The following PTPN14 variants were observed in gnomAD, a reference collection of about 807,000 sequenced individuals.
The protein encoded by PTPN14 is tyrosine-protein phosphatase non-receptor type 14.
PTPN14 carries 53 observed loss-of-function variants against 126.8 expected under a neutral mutation model. That is an observed-to-expected ratio of 0.42 (90% CI 0.34 to 0.53). The LOEUF (loss-of-function observed/expected upper bound fraction) is 0.53, where lower values mean the gene tolerates loss of function less well. PTPN14 is among the 20% of genes least tolerant of loss of function. PTPN14 has a pLI of 0.08. For synonymous variants in PTPN14, 630 were observed against 599.3 expected, an observed-to-expected ratio of 1.05 and a Z score of -0.75; for missense variants, 1,257 against 1,552.9, an observed-to-expected ratio of 0.81 and a Z score of 3.20.
intron 1 of PTPN14, among the ~76,000 whole-genome samples, chr1:214,549,692 AAAG>A (rs963951948): frequency 4.6e-5 from 7 of 152,192 alleles, no homozygotes; most frequent in African/African-American, 1.2e-4. Context: ...GGGGGACAAA[AAAG>A]AAGAATCAAT....
chr1:214,378,028 G>A lies in PTPN14; in HGVS notation c.2619C>T (p.Leu873=). 6.2e-7 allele frequency: 1 copy of A among 1,613,022 alleles called. No individual in the cohort carries two copies. The highest frequency in any genetic ancestry group is 8.5e-7 in the Non-Finnish European group (1 of 1,179,998). ...RPLMLAALNG[L]SVARVSGREE... The stretch of plus-strand genomic sequence containing the variant: ...CCCGCCCTGAGACTCGAGCCACCGA[G>A]AGCCCATTCAATGCTGCCAACATCA... The change falls in exon 14 of 19, where the codon CTC becomes CTT. Residue 873 remains leucine (L), a synonymous_variant. Coordinates refer to ENST00000366956, the MANE Select transcript of PTPN14 (RefSeq NM_005401.5).
chr1:214,443,025 A>T (rs976150577), intron 3 of PTPN14, among the ~76,000 whole-genome samples: 4 of 151,962 alleles, frequency 2.6e-5, no homozygotes, highest in African/African-American at 4.8e-5. Context: ...GTTTCTCCAC[A>T]TTGGTCAGAC....
intron 3 of PTPN14, among the ~76,000 whole-genome samples, chr1:214,421,492 C>T (rs1352735673): frequency 6.6e-6 from 1 of 151,860 alleles, no homozygotes; most frequent in African/African-American, 2.4e-5. Flanking sequence ...GAATTGTATA[C>T]TTTAAAGTGG....
rs188501921 is a variant in PTPN14, at chr1:214,497,700, T to G, written c.-154-32743A>C. Among the ~76,000 whole-genome samples the G allele has an allele frequency of 1.9e-3, 282 of 152,276 alleles. 1 individual carries two copies. The highest frequency in any genetic ancestry group is 3.0e-3 in the Non-Finnish European group (205 of 68,016). On this transcript the variant is annotated intron_variant, in intron 1 of 18. Transcript: ENST00000366956. ...AGGCAGCTTACCATATATTACCGAG[T>G]GGCAAAAGCAAATGCAGCATTATGC... is the stretch of plus-strand genomic sequence containing the variant.
intron 1 of PTPN14, among the ~76,000 whole-genome samples, chr1:214,503,330 G>A (rs115333239): frequency 0.016 from 2,373 of 152,244 alleles, 56 homozygotes; most frequent in African/African-American, 0.054. Flanking sequence ...TAGGAAAGAC[G>A]TTGACTTCTT....
chr1:214,426,980 T>TA (rs955136729), intron 3 of PTPN14, among the ~76,000 whole-genome samples: 56 of 151,854 alleles, frequency 3.7e-4, no homozygotes, highest in Non-Finnish European at 7.1e-4. Flanking sequence ...AGGCTTCTCC[T>TA]AAAAAAAATT....
At chr1:214,466,331 T>C (rs1660637392) in intron 1 of PTPN14, among the ~76,000 whole-genome samples, 1 of 152,112 alleles carries the variant, frequency 6.6e-6, no homozygotes, top group South Asian at 2.1e-4. Context: ...AAATCACAAC[T>C]CTTTGTCCTT....
At chr1:214,504,316 G>A (rs1158485364) in intron 1 of PTPN14, among the ~76,000 whole-genome samples, 3 of 152,024 alleles carry the variant, frequency 2.0e-5, no homozygotes, top group Non-Finnish European at 2.9e-5. Flanking sequence ...CCAAGCACAT[G>A]GCAAGCACCG....
chr1:214,522,914 GGAGA>G (rs1341005192), intron 1 of PTPN14, among the ~76,000 whole-genome samples: 1 of 152,188 alleles, frequency 6.6e-6, no homozygotes, highest in African/African-American at 2.4e-5. Flanking sequence ...ATAAGACTGA[GGAGA>G]AAGAAGGCAG....
intron 8 of PTPN14, among the ~76,000 whole-genome samples, chr1:214,397,511 T>A (rs1360383845): frequency 1.3e-5 from 2 of 152,142 alleles, no homozygotes; most frequent in East Asian, 3.8e-4. Context: ...ATAAATAGAT[T>A]GCTTTTTCAA....
chr1:214,397,646 T>C (rs958318257), intron 8 of PTPN14, among the ~76,000 whole-genome samples: 21 of 152,352 alleles, frequency 1.4e-4, no homozygotes, highest in Admixed American at 1.4e-3. Context: ...GAGCCAGTTT[T>C]CAACCAGACT....
rs918247934 is a variant in PTPN14, at chr1:214,351,171, C to A, written c.*6751G>T. 2.6e-5 allele frequency: 4 copies of A among 151,564 alleles called. No homozygotes were observed. Among genetic ancestry groups the A allele is most frequent in the African/African-American group, 9.7e-5 (4 of 41,244 alleles). The allele number at this position is 151,564 out of a possible 1,614,324, so 9.4% of individuals were successfully genotyped here. A position where few individuals can be genotyped will look rare whatever the true frequency, so the allele number is the denominator to read the frequency against. ...ACCAGTCTGGCCAACATGGCAAAACCCCGTCTCTACTAAAAATATAAAAAT... is the reference window on the plus strand; with the variant it reads ...ACCAGTCTGGCCAACATGGCAAAACACCGTCTCTACTAAAAATATAAAAAT... On this transcript the variant is annotated 3_prime_UTR_variant, in exon 19 of 19. Coordinates refer to ENST00000366956, the MANE Select transcript of PTPN14 (RefSeq NM_005401.5).
intron 16 of PTPN14, 120 bp from the exon 17 acceptor site, chr1:214,369,811 C>T (rs567989368): frequency 1.2e-6 from 1 of 831,218 alleles, no homozygotes. Context: ...TTCAGTAGCA[C>T]TCTGCAGTGT....
At chr1:214,403,019 C>A (rs1188115185) in intron 5 of PTPN14, 66 bp from the exon 6 acceptor site, 9 of 1,478,140 alleles carry the variant, frequency 6.1e-6, no homozygotes, top group African/African-American at 4.2e-5. Context: ...GCTTGCAAAT[C>A]TTAAAGCTCC....
At chr1:214,487,633 C>CA (rs11292597) in intron 1 of PTPN14, among the ~76,000 whole-genome samples, 40 of 137,398 alleles carry the variant, frequency 2.9e-4, no homozygotes, top group East Asian at 4.4e-4. Flanking sequence ...GACTCCGTCT[C>CA]AAAAAAAAAA....
chr1:214,379,563 C>T (rs1338952944), intron 13 of PTPN14, among the ~76,000 whole-genome samples: 2 of 152,142 alleles, frequency 1.3e-5, no homozygotes, highest in Admixed American at 6.5e-5. Flanking sequence ...TATCTTGGGC[C>T]CCAAATCACT....
chr1:214,420,983 G>T (rs1265848544), intron 3 of PTPN14, among the ~76,000 whole-genome samples: 2 of 152,178 alleles, frequency 1.3e-5, no homozygotes, highest in African/African-American at 4.8e-5. Context: ...CCAATGACTT[G>T]GGAAAGTTTT....
chr1:214,485,869 G>A (rs376715056), intron 1 of PTPN14, among the ~76,000 whole-genome samples: 1 of 152,062 alleles, frequency 6.6e-6, no homozygotes, highest in African/African-American at 2.4e-5. Context: ...GGGACTACAG[G>A]CGCCCGCCGC....
In PTPN14 at chr1:214,377,947, C is replaced by A; in HGVS notation, c.2688+12G>T. The A allele has an allele frequency of 6.2e-7, 1 of 1,609,140 alleles. No individual in the cohort carries two copies. Among genetic ancestry groups the A allele is most frequent in the Non-Finnish European group, 8.5e-7 (1 of 1,177,972 alleles). ...ACAGAGAATGAGTCACATTGACAAG[C>A]CTGCCACTTACCCTCTCGTCCATGG... On this transcript the variant is annotated intron_variant, in intron 14 of 18. Transcript: ENST00000366956.
Sources: allele counts gnomAD v4.1 joint callset (sites outside exome capture counted in the v4.1 genomes callset), GRCh38; gene constraint gnomAD v4.1.1; transcripts MANE v1.5; gene names NCBI Gene and HGNC (gene_info 2026-07-23, HGNC 2026-07-21).